The following SOX6 variants were observed in gnomAD, a reference collection of about 807,000 sequenced individuals.
SOX6 encodes transcription factor SOX-6.
A neutral mutation model predicts 97.8 loss-of-function variants in SOX6; 11 were observed. The observed-to-expected ratio is 0.11, with a 90% CI of 0.07 to 0.19. SOX6 has a LOEUF of 0.19. SOX6 is among the 10% of genes least tolerant of loss of function. SOX6 has a pLI of 1.00. For missense variants in SOX6, 810 were observed against 1,039.5 expected, an observed-to-expected ratio of 0.78 and a Z score of 3.04; for synonymous variants, 360 against 371.4, an observed-to-expected ratio of 0.97 and a Z score of 0.35.
At chr11:16,473,085 A>T (rs1860170440) in intron 1 of SOX6, among the ~76,000 whole-genome samples, 1 of 152,194 alleles carries the variant, frequency 6.6e-6, no homozygotes, top group Non-Finnish European at 1.5e-5. Context: ...ATAGGTTTTT[A>T]AAGTTCATTC....
At chr11:16,190,234 A>C (rs1165573389) in intron 4 of SOX6, among the ~76,000 whole-genome samples, 1 of 152,222 alleles carries the variant, frequency 6.6e-6, no homozygotes, top group African/African-American at 2.4e-5. Context: ...GTTTAAGAAG[A>C]AAATGCAGAA....
chr11:16,112,334 C>T (rs1383336539), intron 6 of SOX6, among the ~76,000 whole-genome samples: 1 of 152,102 alleles, frequency 6.6e-6, no homozygotes, highest in Non-Finnish European at 1.5e-5. Context: ...ATTTAGTATC[C>T]ATGGTCAGAA....
At chr11:16,581,525 G>T (rs1480042451) in intron 4 of SOX6, among the ~76,000 whole-genome samples, 1 of 152,162 alleles carries the variant, frequency 6.6e-6, no homozygotes, top group Non-Finnish European at 1.5e-5. Context: ...GACAGGTTGA[G>T]AGGTGCAGCA....
chr11:16,119,815 CATTT>C (rs1459964819), intron 6 of SOX6, among the ~76,000 whole-genome samples: 1 of 152,160 alleles, frequency 6.6e-6, no homozygotes, highest in Non-Finnish European at 1.5e-5. Flanking sequence ...GTTCTCTCTT[CATTT>C]GTCTTATTTA....
At chr11:16,394,625 G>A (rs758367220) in intron 1 of SOX6, among the ~76,000 whole-genome samples, 10 of 151,698 alleles carry the variant, frequency 6.6e-5, no homozygotes, top group East Asian at 3.9e-4. Flanking sequence ...AAACAAAAGC[G>A]TCTACCAATA....
intron 15 of SOX6, among the ~76,000 whole-genome samples, chr11:15,977,263 C>T (rs1396579296): frequency 3.3e-5 from 5 of 152,070 alleles, no homozygotes; most frequent in Admixed American, 6.6e-5. Context: ...GTGACCTCCC[C>T]GCCACTGTGA....
At chr11:16,402,554 C>T (rs1176654797) in intron 1 of SOX6, 1 of 1,174,900 alleles carries the variant, frequency 8.5e-7, no homozygotes, top group East Asian at 2.4e-5. Context: ...CCACCCAAAG[C>T]ACACTGGAAT....
chr11:16,736,884 C>G (rs990948327), intron 1 of SOX6, among the ~76,000 whole-genome samples: 1 of 152,206 alleles, frequency 6.6e-6, no homozygotes, highest in African/African-American at 2.4e-5. Flanking sequence ...ATTCTTACCA[C>G]AGAACCATTA....
intron 4 of SOX6, among the ~76,000 whole-genome samples, chr11:16,588,016 A>C (rs373822827): frequency 9.9e-5 from 15 of 152,162 alleles, no homozygotes. Context: ...AAGCAAGAGC[A>C]CTCTCCAGGA....
intron 1 of SOX6, among the ~76,000 whole-genome samples, chr11:16,375,172 C>T (rs913205553): frequency 6.6e-6 from 1 of 152,030 alleles, no homozygotes; most frequent in African/African-American, 2.4e-5. Context: ...TTAACTAACA[C>T]TTCAAAGCTT....
At chr11:16,145,370 T>C (rs1156514350) in intron 6 of SOX6, among the ~76,000 whole-genome samples, 1 of 152,128 alleles carries the variant, frequency 6.6e-6, no homozygotes, top group South Asian at 2.1e-4. Context: ...AAGAGCTATT[T>C]ATGACAAACC....
intron 4 of SOX6, among the ~76,000 whole-genome samples, chr11:16,497,239 G>C (rs1430386670): frequency 6.6e-6 from 1 of 152,138 alleles, no homozygotes; most frequent in Non-Finnish European, 1.5e-5. Context: ...AACTCCAACA[G>C]ACCTGCAGAT....
At position 16,032,753 on chromosome 11, in the gene SOX6, T is replaced by G. The variant is rs143846876; in HGVS notation, c.1623+13761A>C. On this transcript the variant is annotated intron_variant, in intron 12 of 15. Coordinates refer to ENST00000683767, the MANE Select transcript of SOX6 (RefSeq NM_001367873.1). The stretch of plus-strand genomic sequence containing the variant: ...TGCCCCTCTCTAACTCAGAGTACAC[T>G]TCTCTCTTGATTGAGCTGTCCTCCA... 2.6e-4 allele frequency among the ~76,000 whole-genome samples: 39 copies of G among 152,220 alleles called. No homozygotes were observed. The East Asian group carries it at 5.0e-3, about 20-fold the overall frequency.
At chr11:16,670,484 G>A (rs905485477) in intron 3 of SOX6, among the ~76,000 whole-genome samples, 4 of 152,284 alleles carry the variant, frequency 2.6e-5, no homozygotes, top group African/African-American at 9.6e-5. Flanking sequence ...CCTCTGCAGT[G>A]AAACTGCCCT....
At chr11:16,582,281 C>T (rs1848038812) in intron 4 of SOX6, among the ~76,000 whole-genome samples, 1 of 151,992 alleles carries the variant, frequency 6.6e-6, no homozygotes, top group Non-Finnish European at 1.5e-5. Context: ...CATGTGTATC[C>T]CTTGAATCTA....
intron 6 of SOX6, among the ~76,000 whole-genome samples, chr11:16,165,125 T>C (rs191559668): frequency 6.6e-6 from 1 of 152,224 alleles, no homozygotes; most frequent in South Asian, 2.1e-4. Flanking sequence ...TTCTACTTGG[T>C]ATTTGCAAGC....
chr11:16,692,853 T>C (rs1209833558), intron 3 of SOX6, among the ~76,000 whole-genome samples: 4 of 152,206 alleles, frequency 2.6e-5, no homozygotes, highest in Non-Finnish European at 5.9e-5. Flanking sequence ...ATAAACACTA[T>C]TTTATATCTG....
At chr11:16,124,384 T>A (rs575973476) in intron 6 of SOX6, among the ~76,000 whole-genome samples, 3 of 152,164 alleles carry the variant, frequency 2.0e-5, no homozygotes, top group African/African-American at 7.2e-5. Context: ...TACATACAGA[T>A]ATAATAAATG....
At chr11:16,054,382 T>G (rs576680677) in intron 10 of SOX6, among the ~76,000 whole-genome samples, 47 of 152,230 alleles carry the variant, frequency 3.1e-4, no homozygotes, top group South Asian at 1.0e-3. Context: ...CATAAGTGAT[T>G]CTGTCTTATT....
Sources: gnomAD v4.1 joint callset for allele counts (sites outside exome capture counted in the v4.1 genomes callset) on GRCh38, gnomAD v4.1.1 for gene constraint, MANE v1.5 for transcripts, NCBI Gene and HGNC (gene_info 2026-07-23, HGNC 2026-07-21) for gene names.